Variants in LDLRAD4 observed in about 807,000 individuals in gnomAD.
LDLRAD4 encodes low density lipoprotein receptor class A domain containing 4, also known as low-density lipoprotein receptor class A domain-containing protein 4.
LDLRAD4 carries 5 observed loss-of-function variants against 17.0 expected under a neutral mutation model. That is an observed-to-expected ratio of 0.29 (90% CI 0.15 to 0.62). The LOEUF (loss-of-function observed/expected upper bound fraction) is 0.62, where lower values mean the gene tolerates loss of function less well. Ranked by LOEUF, LDLRAD4 falls within the 20% of genes least tolerant of loss-of-function variation. LDLRAD4 has a pLI of 0.84. For synonymous variants in LDLRAD4, 168 were observed against 171.8 expected (o/e 0.98, Z 0.17); for missense variants, 340 against 424.7 (o/e 0.80, Z 1.75).
intron 3 of LDLRAD4, among the ~76,000 whole-genome samples, chr18:13,524,501 G>A (rs1169605397): frequency 6.6e-6 from 1 of 152,154 alleles, no homozygotes; most frequent in Non-Finnish European, 1.5e-5. Context: ...TTTGAAGGAA[G>A]GCCCTAAGTT....
chr18:13,592,233 G>C (rs2148553137), intron 3 of LDLRAD4, among the ~76,000 whole-genome samples: 1 of 152,276 alleles, frequency 6.6e-6, no homozygotes, highest in Admixed American at 6.5e-5. Context: ...TTTAAACCCT[G>C]ACCCACAGTG....
Position 13,569,893 on chromosome 18 carries a change from A to T in LDLRAD4, c.182-51224A>T, listed in dbSNP as rs187158613. 2.9e-4 allele frequency among the ~76,000 whole-genome samples: 44 copies of T among 152,314 alleles called. 1 individual carries two copies. The East Asian group carries it at 6.6e-3, about 23-fold the overall frequency. On this transcript the variant is annotated intron_variant, in intron 3 of 5. Coordinates refer to ENST00000359446, the Ensembl canonical transcript of LDLRAD4. ...AAGTGAGACTCTGTCTCAAAAAATA[A>T]ATACATGAAAAATAAAAAATAAATT...
intron 1 of LDLRAD4, among the ~76,000 whole-genome samples, chr18:13,330,511 T>A (rs2081798012): frequency 6.6e-6 from 1 of 152,212 alleles, no homozygotes; most frequent in African/African-American, 2.4e-5. Context: ...TTAATCTTAT[T>A]GGTGGTTATT....
intron 1 of LDLRAD4, among the ~76,000 whole-genome samples, chr18:13,251,419 G>A (rs1281551372): frequency 6.6e-6 from 1 of 152,182 alleles, no homozygotes; most frequent in African/African-American, 2.4e-5. Flanking sequence ...AATTTGAAAG[G>A]AGGAAGTCAG....
At chr18:13,282,240 C>T (rs543826447) in intron 1 of LDLRAD4, among the ~76,000 whole-genome samples, 29 of 152,262 alleles carry the variant, frequency 1.9e-4, no homozygotes, top group Non-Finnish European at 2.5e-4. Flanking sequence ...CCTGACCCCT[C>T]CAAATCTCAC....
At chr18:13,477,340 C>A (rs1940908) in intron 3 of LDLRAD4, among the ~76,000 whole-genome samples, 8,108 of 152,304 alleles carry the variant, frequency 0.053, 286 homozygotes, top group East Asian at 0.12. Flanking sequence ...AATGCACGCT[C>A]ACCCGAGAAA....
At position 13,437,298 on chromosome 18, in the gene LDLRAD4, G is replaced by T. The variant is rs895143188; in HGVS notation, c.41-946G>T. Among the ~76,000 whole-genome samples the T allele has an allele frequency of 2.6e-5, 4 of 152,236 alleles. No individual in the cohort carries two copies. The South Asian group carries it at 6.2e-4, about 24-fold the overall frequency. ...TGTCTTCCCGCTGTGTACTGAGTGG[G>T]CCGTGCTGTGTGAATCCTGCCAGCT... On this transcript the variant is annotated intron_variant, in intron 2 of 5. Transcript: ENST00000359446.
At chr18:13,324,669 C>T (rs2081425965) in intron 1 of LDLRAD4, among the ~76,000 whole-genome samples, 1 of 152,100 alleles carries the variant, frequency 6.6e-6, no homozygotes, top group African/African-American at 2.4e-5. Context: ...AACCTCCAGT[C>T]CCTGTCTGCT....
chr18:13,528,400 C>A (rs577353634), intron 3 of LDLRAD4, among the ~76,000 whole-genome samples: 6 of 152,314 alleles, frequency 3.9e-5, no homozygotes, highest in African/African-American at 1.4e-4. Context: ...GCAACCTCCG[C>A]TTCACAGGTT....
intron 2 of LDLRAD4, among the ~76,000 whole-genome samples, chr18:13,396,604 C>T (rs2086716918): frequency 6.6e-6 from 1 of 152,170 alleles, no homozygotes; most frequent in Admixed American, 6.5e-5. Context: ...CCGTCTTGGC[C>T]TCTTGAGTAG....
At chr18:13,501,868 A>C (rs1426855101) in intron 3 of LDLRAD4, among the ~76,000 whole-genome samples, 2 of 152,238 alleles carry the variant, frequency 1.3e-5, no homozygotes, top group Non-Finnish European at 2.9e-5. Flanking sequence ...AACTAAAATA[A>C]TATTTTGAAA....
chr18:13,465,048 G>C (rs1322994405), intron 3 of LDLRAD4: 1 of 152,228 alleles, frequency 6.6e-6, no homozygotes, highest in East Asian at 1.9e-4. Flanking sequence ...ACGATGGCGC[G>C]AGGCCGCAGA....
At chr18:13,256,335 C>T (rs1379788964) in intron 1 of LDLRAD4, among the ~76,000 whole-genome samples, 7 of 152,152 alleles carry the variant, frequency 4.6e-5, no homozygotes, top group Non-Finnish European at 8.8e-5. Context: ...AATAGGGTCC[C>T]TTTCTTGGCT....
chr18:13,618,976 C>T (rs1385881845), intron 3 of LDLRAD4, among the ~76,000 whole-genome samples: 1 of 152,250 alleles, frequency 6.6e-6, no homozygotes, highest in Non-Finnish European at 1.5e-5. Context: ...GCTGGAGGCG[C>T]ACTCGGGCAC....
chr18:13,290,651 G>C (rs1212305725), intron 1 of LDLRAD4, among the ~76,000 whole-genome samples: 1 of 151,960 alleles, frequency 6.6e-6, no homozygotes, highest in Non-Finnish European at 1.5e-5. Context: ...AAAGAGTTTT[G>C]TTGTTTACCT....
intron 1 of LDLRAD4, among the ~76,000 whole-genome samples, chr18:13,263,695 G>C (rs1357389620): frequency 2.6e-5 from 4 of 152,166 alleles, no homozygotes; most frequent in Non-Finnish European, 4.4e-5. Context: ...CCACCTCATG[G>C]GTTCTTATAA....
upstream of LDLRAD4, among the ~76,000 whole-genome samples, chr18:13,277,778 T>C (rs1227919453): frequency 9.9e-5 from 15 of 152,218 alleles, no homozygotes; most frequent in Admixed American, 9.8e-4. Context: ...ACAGGGATAC[T>C]ATCTGTTATT....
At chr18:13,587,146 G>A (rs1223585764) in intron 3 of LDLRAD4, among the ~76,000 whole-genome samples, 1 of 152,128 alleles carries the variant, frequency 6.6e-6, no homozygotes, top group Non-Finnish European at 1.5e-5. Flanking sequence ...AGATGGCTCT[G>A]TAAAACCCAG....
intron 1 of LDLRAD4, among the ~76,000 whole-genome samples, chr18:13,370,352 G>C (rs2084368963): frequency 6.6e-6 from 1 of 152,240 alleles, no homozygotes; most frequent in African/African-American, 2.4e-5. Flanking sequence ...GGGTCCGGAG[G>C]TGGGGCTTGT....
Sources: allele counts gnomAD v4.1 joint callset (sites outside exome capture counted in the v4.1 genomes callset), GRCh38; gene constraint gnomAD v4.1.1; transcripts MANE v1.5; gene names NCBI Gene and HGNC (gene_info 2026-07-23, HGNC 2026-07-21).